The following GPM6A variants were observed in gnomAD, a reference collection of about 807,000 sequenced individuals.
The protein encoded by GPM6A is glycoprotein M6A, also known as neuronal membrane glycoprotein M6-a.
A neutral mutation model predicts 32.1 loss-of-function variants in GPM6A; 7 were observed. The observed-to-expected ratio is 0.22, with a 90% CI of 0.12 to 0.41. The LOEUF (loss-of-function observed/expected upper bound fraction) is 0.41. GPM6A is among the 10% of genes least tolerant of loss of function. The pLI, the probability that GPM6A is intolerant of heterozygous loss-of-function variation, is 1.00. For synonymous variants in GPM6A, 130 were observed against 123.4 expected, an observed-to-expected ratio of 1.05 and a Z score of -0.35; for missense variants, 235 against 347.2, an observed-to-expected ratio of 0.68 and a Z score of 2.57.
chr4:175,669,662 C>T (rs1054783011), intron 3 of GPM6A, among the ~76,000 whole-genome samples: 3 of 152,222 alleles, frequency 2.0e-5, no homozygotes, highest in East Asian at 1.9e-4. Flanking sequence ...TATGGAAGAA[C>T]ATTACTGTTA....
intron 3 of GPM6A, among the ~76,000 whole-genome samples, chr4:175,652,521 A>T (rs1464294260): frequency 6.6e-6 from 1 of 151,934 alleles, no homozygotes; most frequent in Admixed American, 6.6e-5. Flanking sequence ...TTATAAACTT[A>T]AGTCTGTTTT....
At chr4:175,969,222 A>G (rs1324841809) in intron 1 of GPM6A, among the ~76,000 whole-genome samples, 2 of 152,208 alleles carry the variant, frequency 1.3e-5, no homozygotes, top group African/African-American at 2.4e-5. Context: ...GTCTATAGAG[A>G]CAATAAAGTG....
chr4:175,696,892 C>G (rs17657144), intron 2 of GPM6A, among the ~76,000 whole-genome samples: 1 of 152,038 alleles, frequency 6.6e-6, no homozygotes, highest in Non-Finnish European at 1.5e-5. Flanking sequence ...TAAACCCACC[C>G]GAAGTTAGTT....
chr4:175,802,413 C>T (rs1489178273), intron 1 of GPM6A, among the ~76,000 whole-genome samples: 2 of 152,036 alleles, frequency 1.3e-5, no homozygotes, highest in Non-Finnish European at 2.9e-5. Context: ...TTGACCAGAG[C>T]TCAAATGCCC....
chr4:175,804,827 C>T (rs777661349), intron 1 of GPM6A, among the ~76,000 whole-genome samples: 5 of 151,922 alleles, frequency 3.3e-5, no homozygotes, highest in Admixed American at 1.3e-4. Context: ...GGGCGGATCA[C>T]GAGGTCAGGA....
intron 1 of GPM6A, among the ~76,000 whole-genome samples, chr4:175,960,517 C>T (rs763499267): frequency 6.6e-6 from 1 of 152,014 alleles, no homozygotes; most frequent in Non-Finnish European, 1.5e-5. Flanking sequence ...GGTGGTTTGC[C>T]GCACCTGTCA....
chr4:175,861,673 T>A (rs1361727641), intron 1 of GPM6A, among the ~76,000 whole-genome samples: 1 of 146,466 alleles, frequency 6.8e-6, no homozygotes, highest in East Asian at 2.0e-4. Flanking sequence ...ATCACTTGAA[T>A]CTGGAAGGCA....
intron 1 of GPM6A, among the ~76,000 whole-genome samples, chr4:175,856,161 C>A (rs1736407894): frequency 6.6e-6 from 1 of 152,144 alleles, no homozygotes; most frequent in Admixed American, 6.5e-5. Flanking sequence ...AGGTAAAAAA[C>A]TAAGAAAAAT....
At chr4:175,934,371 G>A (rs956366002) in intron 1 of GPM6A, among the ~76,000 whole-genome samples, 1 of 152,138 alleles carries the variant, frequency 6.6e-6, no homozygotes, top group African/African-American at 2.4e-5. Flanking sequence ...TTAGCCACAT[G>A]CCTATATACA....
chr4:175,754,069 G>T (rs899341591), intron 1 of GPM6A, among the ~76,000 whole-genome samples: 4 of 152,024 alleles, frequency 2.6e-5, no homozygotes, highest in African/African-American at 9.7e-5. Context: ...CCTATTAAAA[G>T]TATTACCAAA....
chr4:175,711,457 TAC>T (rs763949633), intron 1 of GPM6A, among the ~76,000 whole-genome samples: 3,673 of 27,684 alleles, frequency 0.13, 688 homozygotes, highest in East Asian at 0.37. Context: ...TATATATATA[TAC>T]ACACACATAC....
At chr4:175,879,745 AATTAT>A (rs1737208928) in intron 1 of GPM6A, among the ~76,000 whole-genome samples, 1 of 152,160 alleles carries the variant, frequency 6.6e-6, no homozygotes, top group Non-Finnish European at 1.5e-5. Flanking sequence ...TCCCTCCACT[AATTAT>A]TATGTAGTAG....
At chr4:175,869,271 A>T (rs773014222) in intron 1 of GPM6A, among the ~76,000 whole-genome samples, 3 of 152,178 alleles carry the variant, frequency 2.0e-5, no homozygotes, top group Non-Finnish European at 4.4e-5. Flanking sequence ...GATTATATGA[A>T]ATAAAGTATA....
intron 1 of GPM6A, chr4:175,971,064 C>A: frequency 3.5e-6 from 1 of 282,852 alleles, no homozygotes. Context: ...AGAAAAGGTG[C>A]AATTCCCTGA....
chr4:175,646,766 C>T (rs1741484788), intron 4 of GPM6A, among the ~76,000 whole-genome samples: 1 of 152,152 alleles, frequency 6.6e-6, no homozygotes, highest in Non-Finnish European at 1.5e-5. Context: ...CACCATCAGG[C>T]AAGGGACTGA....
At chr4:175,816,913 G>A (rs1352973424), upstream of GPM6A, among the ~76,000 whole-genome samples, 1 of 151,712 alleles carries the variant, frequency 6.6e-6, no homozygotes, top group Non-Finnish European at 1.5e-5. Context: ...AGGCTGGAGT[G>A]CAGCGGCGCG....
intron 1 of GPM6A, among the ~76,000 whole-genome samples, chr4:175,856,536 T>A (rs1281396332): frequency 1.3e-5 from 2 of 152,210 alleles, no homozygotes; most frequent in Non-Finnish European, 2.9e-5. Flanking sequence ...ATGGCTTAAG[T>A]GTCAAACAGC....
At chr4:175,765,527 GACA>G (rs1297424184) in intron 1 of GPM6A, among the ~76,000 whole-genome samples, 5 of 152,062 alleles carry the variant, frequency 3.3e-5, no homozygotes, top group South Asian at 2.1e-4. Flanking sequence ...TCTTTGTTTT[GACA>G]ACATTACAAG....
At chr4:175,691,374 T>C (rs17061790) in intron 2 of GPM6A, among the ~76,000 whole-genome samples, 7,177 of 152,298 alleles carry the variant, frequency 0.047, 205 homozygotes, top group Non-Finnish European at 0.063. Flanking sequence ...CTTTCAGACT[T>C]TGTTACACAA....
Sources: allele counts gnomAD v4.1 joint callset (sites outside exome capture counted in the v4.1 genomes callset), GRCh38; gene constraint gnomAD v4.1.1; transcripts MANE v1.5; gene names NCBI Gene and HGNC (gene_info 2026-07-23, HGNC 2026-07-21).